The following RORA variants were observed in gnomAD, a reference collection of about 807,000 sequenced individuals.
The protein encoded by RORA is RAR related orphan receptor A, also known as nuclear receptor ROR-alpha.
A neutral mutation model predicts 69.5 loss-of-function variants in RORA; 7 were observed. That is an observed-to-expected ratio of 0.10 (90% CI 0.06 to 0.19). RORA has a LOEUF of 0.19. Among genes scored for constraint, RORA ranks in the 10% least tolerant of loss-of-function variants. The probability of loss-of-function intolerance (pLI) is 1.00; values close to 1 mark genes in which losing one functional copy is unlikely to be tolerated. For synonymous variants in RORA, 261 were observed against 240.8 expected (o/e 1.08, Z -0.78); for missense variants, 457 against 663.0 (o/e 0.69, Z 3.41).
intron 1 of RORA, among the ~76,000 whole-genome samples, chr15:60,770,403 C>T (rs1480403794): frequency 6.6e-6 from 1 of 152,106 alleles, no homozygotes; most frequent in South Asian, 2.1e-4. Flanking sequence ...GTTTTCAAAG[C>T]CCAGTTCAGC....
At chr15:60,721,915 G>C (rs2071298308) in intron 1 of RORA, among the ~76,000 whole-genome samples, 1 of 152,230 alleles carries the variant, frequency 6.6e-6, no homozygotes. Flanking sequence ...TTTTACTCAA[G>C]GACTCGCCCT....
At chr15:61,004,748 C>G (rs1381778071) in intron 1 of RORA, among the ~76,000 whole-genome samples, 1 of 152,154 alleles carries the variant, frequency 6.6e-6, no homozygotes, top group African/African-American at 2.4e-5. Flanking sequence ...GAAGAACACA[C>G]ACCTGCAAAC....
intron 1 of RORA, among the ~76,000 whole-genome samples, chr15:60,745,939 G>A (rs978837669): frequency 7.2e-5 from 11 of 152,026 alleles, no homozygotes; most frequent in African/African-American, 2.7e-4. Flanking sequence ...CAAAAAGAAT[G>A]TACACTATGA....
chr15:61,119,375 T>A (rs1387308479), intron 1 of RORA, among the ~76,000 whole-genome samples: 1 of 115,032 alleles, frequency 8.7e-6, no homozygotes, highest in East Asian at 2.3e-4. Context: ...GGTTTTAAAT[T>A]TTTTTTTGTA....
chr15:60,756,347 A>G (rs1055544559), intron 1 of RORA, among the ~76,000 whole-genome samples: 4 of 152,240 alleles, frequency 2.6e-5, no homozygotes, highest in African/African-American at 9.6e-5. Context: ...TTAATTGTTT[A>G]ATTGATTAAG....
intron 2 of RORA, among the ~76,000 whole-genome samples, chr15:60,610,936 C>A (rs1219076825): frequency 6.6e-6 from 1 of 152,146 alleles, no homozygotes; most frequent in Non-Finnish European, 1.5e-5. Flanking sequence ...CTCCTCAGGA[C>A]TGAGAGTGTT....
intron 1 of RORA, among the ~76,000 whole-genome samples, chr15:60,831,492 A>G (rs2073041629): frequency 6.6e-6 from 1 of 152,130 alleles, no homozygotes; most frequent in African/African-American, 2.4e-5. Flanking sequence ...TCAATGGAAA[A>G]TCTTCCCTGG....
intron 1 of RORA, among the ~76,000 whole-genome samples, chr15:61,113,993 A>G (rs1009038601): frequency 4.6e-5 from 7 of 152,346 alleles, no homozygotes; most frequent in African/African-American, 1.7e-4. Flanking sequence ...ACTACAGCCT[A>G]TAACTGTTTC....
At chr15:61,088,091 G>T (rs553762720) in intron 1 of RORA, among the ~76,000 whole-genome samples, 20 of 152,308 alleles carry the variant, frequency 1.3e-4, no homozygotes, top group African/African-American at 4.8e-4. Flanking sequence ...CCAGGTGCTG[G>T]GCTAGGCTCT....
intron 1 of RORA, among the ~76,000 whole-genome samples, chr15:60,821,854 G>C (rs955439733): frequency 7.2e-5 from 11 of 152,172 alleles, no homozygotes; most frequent in Admixed American, 6.5e-4. Flanking sequence ...AGGCCAAAGG[G>C]TTTAGGTAAT....
At chr15:60,737,369 G>C (rs146388812) in intron 1 of RORA, among the ~76,000 whole-genome samples, 112 of 152,264 alleles carry the variant, frequency 7.4e-4, no homozygotes, top group Middle Eastern at 3.4e-3. Flanking sequence ...TGGTGCTCTT[G>C]GAAGAGCACC....
At chr15:60,995,207 C>T (rs184205148) in intron 1 of RORA, among the ~76,000 whole-genome samples, 3 of 151,914 alleles carry the variant, frequency 2.0e-5, no homozygotes, top group African/African-American at 7.3e-5. Flanking sequence ...CTTTCCTTTC[C>T]GCAGATGCTC....
intron 2 of RORA, among the ~76,000 whole-genome samples, chr15:60,569,906 G>A (rs2067829251): frequency 1.3e-5 from 2 of 152,174 alleles, no homozygotes; most frequent in South Asian, 4.1e-4. Flanking sequence ...CTAAAGTGAT[G>A]CAAATACGTC....
intron 1 of RORA, among the ~76,000 whole-genome samples, chr15:60,831,016 C>T (rs148430931): frequency 6.6e-6 from 1 of 152,310 alleles, no homozygotes; most frequent in Non-Finnish European, 1.5e-5. Context: ...CACAGCTATG[C>T]ACTTGTATAG....
rs1223968137 is a variant in RORA at position 60,905,959 on chromosome 15, T to A, written c.167-227273A>T. 6.6e-6 allele frequency among the ~76,000 whole-genome samples: 1 copy of A among 152,214 alleles called. No homozygotes were observed. Among genetic ancestry groups the A allele is most frequent in the Non-Finnish European group, 1.5e-5 (1 of 68,040 alleles). ...AATATCAGGAAAGCATTTATAAATATTTCAGAGGTGTTTCATAAATAAATC... is the reference window on the plus strand; with the variant it reads ...AATATCAGGAAAGCATTTATAAATAATTCAGAGGTGTTTCATAAATAAATC... On this transcript the variant is annotated intron_variant, in intron 1 of 10. Transcript: ENST00000335670. The surrounding 1 kb of genome is among the most constrained non-coding windows in gnomAD (Gnocchi z 4.8).
chr15:61,163,130 T>C (rs1464966140), intron 1 of RORA, among the ~76,000 whole-genome samples: 1 of 152,224 alleles, frequency 6.6e-6, no homozygotes, highest in African/African-American at 2.4e-5. Flanking sequence ...TTAAACATTC[T>C]ACTTGCTGTT....
At chr15:60,498,432 C>T (rs1030891849) in intron 10 of RORA, among the ~76,000 whole-genome samples, 32 of 152,106 alleles carry the variant, frequency 2.1e-4, no homozygotes, top group Non-Finnish European at 1.3e-4. Context: ...CGTTTCTTTT[C>T]GATAAGGAGT....
intron 2 of RORA, among the ~76,000 whole-genome samples, chr15:60,569,929 G>C (rs1350720549): frequency 6.6e-6 from 1 of 152,168 alleles, no homozygotes; most frequent in Non-Finnish European, 1.5e-5. Context: ...CAAAAGGAGA[G>C]CAAGATAAAC....
intron 2 of RORA, among the ~76,000 whole-genome samples, chr15:60,551,264 T>C (rs2067220097): frequency 1.3e-5 from 2 of 151,988 alleles, no homozygotes; most frequent in African/African-American, 4.8e-5. Context: ...AGGAAATGTA[T>C]ACTGCAAAAT....
Sources: gnomAD v4.1 joint callset for allele counts (sites outside exome capture counted in the v4.1 genomes callset) on GRCh38, gnomAD v4.1.1 for gene constraint, Gnocchi (gnomAD v3.1) non-coding constraint, MANE v1.5 for transcripts, NCBI Gene and HGNC (gene_info 2026-07-23, HGNC 2026-07-21) for gene names.